Variants in FRZB observed in about 807,000 individuals in gnomAD.
FRZB encodes secreted frizzled-related protein 3.
In FRZB, 34 loss-of-function variants were observed where a neutral mutation model predicts 32.5. That is an observed-to-expected ratio of 1.05 (90% CI 0.80 to 1.39). The LOEUF is 1.39. FRZB is among the 40% of genes most tolerant of loss of function. The pLI is 0.00. For missense variants in FRZB, 423 were observed against 424.8 expected (o/e 1.00, Z 0.04); for synonymous variants, 170 against 159.2 (o/e 1.07, Z -0.51).
At chr2:182,835,569 C>G (rs200952980) in intron 5 of FRZB, among the ~76,000 whole-genome samples, 2 of 105,706 alleles carry the variant, frequency 1.9e-5, no homozygotes, top group Non-Finnish European at 4.5e-5. Context: ...TTAATAAACA[C>G]AATCAAGTTT....
chr2:182,846,992 ACTCT>A (rs1695649321), intron 2 of FRZB, among the ~76,000 whole-genome samples: 1 of 152,072 alleles, frequency 6.6e-6, no homozygotes, highest in Non-Finnish European at 1.5e-5. Flanking sequence ...CATTTGTTGA[ACTCT>A]TTCAGTCACT....
intron 3 of FRZB, 77 bp downstream of exon 3, chr2:182,842,401 G>T: frequency 1.0e-6 from 1 of 1,004,978 alleles, no homozygotes; most frequent in Non-Finnish European, 1.6e-6. Flanking sequence ...TCGTTTACAT[G>T]TGCACATCCT....
At chr2:182,856,114 G>T (rs1695765321) in intron 2 of FRZB, among the ~76,000 whole-genome samples, 1 of 151,954 alleles carries the variant, frequency 6.6e-6, no homozygotes, top group Admixed American at 6.6e-5. Flanking sequence ...CAGCAGAACT[G>T]CTTTAAAACA....
At chr2:182,850,061 T>C (rs555119470) in intron 2 of FRZB, among the ~76,000 whole-genome samples, 1 of 152,356 alleles carries the variant, frequency 6.6e-6, no homozygotes, top group South Asian at 2.1e-4. Context: ...TTCCATGTCA[T>C]TGGCACATAT....
chr2:182,860,075 G>T (rs866046307), intron 1 of FRZB, among the ~76,000 whole-genome samples: 1 of 152,110 alleles, frequency 6.6e-6, no homozygotes, highest in Non-Finnish European at 1.5e-5. Flanking sequence ...TTCAAAGGTA[G>T]AAATAAGAGT....
chr2:182,837,136 C>A (rs1431797439), intron 5 of FRZB, among the ~76,000 whole-genome samples: 1 of 150,934 alleles, frequency 6.6e-6, no homozygotes, highest in African/African-American at 2.4e-5. Context: ...TCCCCCACCC[C>A]ATTCTTTTCT....
intron 2 of FRZB, among the ~76,000 whole-genome samples, chr2:182,856,468 A>C (rs1326953023): frequency 6.6e-6 from 1 of 152,066 alleles, no homozygotes; most frequent in Non-Finnish European, 1.5e-5. Context: ...ATCTAAATAC[A>C]AATATGAATA....
chr2:182,839,539 C>A (rs1695564433), intron 3 of FRZB, among the ~76,000 whole-genome samples: 1 of 152,004 alleles, frequency 6.6e-6, no homozygotes, highest in Non-Finnish European at 1.5e-5. Flanking sequence ...ACTTGCTTTA[C>A]TTATCAATGT....
rs75079263 is a variant in FRZB, at chr2:182,854,361, A to G, written c.526+4425T>C. On this transcript the variant is annotated intron_variant, in intron 2 of 5. Coordinates refer to ENST00000295113, the MANE Select transcript of FRZB (RefSeq NM_001463.4). ...ATCTGAAACCTGAACAGAGTGCATG[A>G]AGCAGCAACATAAGAACTCTAAAAC... 4.1e-3 allele frequency among the ~76,000 whole-genome samples: 619 copies of G among 152,334 alleles called. 4 individuals are homozygous for G. The highest frequency in any genetic ancestry group is 0.014 in the African/African-American group (595 of 41,566).
At chr2:182,857,608 C>T (rs1250830019) in intron 2 of FRZB, among the ~76,000 whole-genome samples, 1 of 146,856 alleles carries the variant, frequency 6.8e-6, no homozygotes, top group Non-Finnish European at 1.5e-5. Context: ...CAGAGCAAGA[C>T]TCCATCTCAA....
chr2:182,852,300 T>C (rs1695718468), intron 2 of FRZB, among the ~76,000 whole-genome samples: 1 of 152,148 alleles, frequency 6.6e-6, no homozygotes, highest in Non-Finnish European at 1.5e-5. Flanking sequence ...ATCAGGAATC[T>C]CCAGTTGCTC....
intron 3 of FRZB, 27 bp downstream of exon 3, chr2:182,842,451 A>G (rs771731457): frequency 5.1e-6 from 8 of 1,554,530 alleles, no homozygotes; most frequent in Middle Eastern, 1.7e-4. Flanking sequence ...ACAGCAGTTT[A>G]TACATCAACC....
chr2:182,836,761 C>A (rs905692411), intron 5 of FRZB, among the ~76,000 whole-genome samples: 1 of 152,010 alleles, frequency 6.6e-6, no homozygotes, highest in Admixed American at 6.6e-5. Context: ...ACAAGAGCCA[C>A]TTTTTTCTTT....
At chr2:182,864,945 G>A (rs763775672) in intron 1 of FRZB, among the ~76,000 whole-genome samples, 1 of 152,074 alleles carries the variant, frequency 6.6e-6, no homozygotes. Context: ...ATATATGAAG[G>A]GTAAAATTTG....
intron 4 of FRZB, 44 bp downstream of exon 4, chr2:182,838,365 G>T: frequency 6.7e-7 from 1 of 1,495,578 alleles, no homozygotes; most frequent in South Asian, 1.1e-5. Flanking sequence ...AATGAGAGTA[G>T]GATAAGCAAA....
chr2:182,837,054 T>A (rs147060978), intron 5 of FRZB, among the ~76,000 whole-genome samples: 1 of 151,998 alleles, frequency 6.6e-6, no homozygotes, highest in South Asian at 2.1e-4. Context: ...GAGGATGTAT[T>A]ATGTTTGGTA....
At chr2:182,838,120 G>C (rs1695547156) in intron 4 of FRZB, 109 bp from the exon 5 acceptor site, 3 of 839,556 alleles carry the variant, frequency 3.6e-6, no homozygotes, top group East Asian at 5.1e-5. Context: ...TTCTTGAATA[G>C]GACAGCTAAG....
intron 1 of FRZB, among the ~76,000 whole-genome samples, chr2:182,863,034 T>G (rs1319220258): frequency 6.6e-6 from 1 of 152,238 alleles, no homozygotes; most frequent in African/African-American, 2.4e-5. Context: ...CCTTCCAAAG[T>G]GCTGAGATTA....
In FRZB at chr2:182,866,155, T is replaced by A; in HGVS notation, c.398A>T (p.Asn133Ile). 1 of 1,614,112 alleles carries A rather than the reference T, an allele frequency of 6.2e-7. No individual in the cohort carries two copies. Among genetic ancestry groups the A allele is most frequent in the Non-Finnish European group, 8.5e-7 (1 of 1,180,004 alleles). ...LIKYRHSWPENLACEELPVYD... is the reference protein window; with the variant it reads ...LIKYRHSWPEILACEELPVYD... ...CACTGGCAGCTCCTCGCAGGCCAGG[T>A]TCTCCGGCCACGAGTGGCGGTACTT... Residue 133 changes from asparagine (N) to isoleucine (I), a missense_variant, in exon 1 of 6, where the codon AAC becomes ATC. Asn to Ile is a moderately radical substitution (Grantham distance 149). Coordinates refer to ENST00000295113, the MANE Select transcript of FRZB (RefSeq NM_001463.4). This position sits in a 1 kb window ranked among gnomAD's most constrained non-coding sequence, Gnocchi z 4.5.
Sources: gnomAD v4.1 joint callset for allele counts (sites outside exome capture counted in the v4.1 genomes callset) on GRCh38, gnomAD v4.1.1 for gene constraint, Gnocchi (gnomAD v3.1) non-coding constraint, MANE v1.5 for transcripts, NCBI Gene and HGNC (gene_info 2026-07-23, HGNC 2026-07-21) for gene names.